Variants in BMERB1 observed in about 807,000 individuals in gnomAD.
BMERB1 encodes the protein bMERB domain containing 1.
In BMERB1, 12 loss-of-function variants were observed where a neutral mutation model predicts 23.6. The observed-to-expected ratio is 0.51, with a 90% CI of 0.33 to 0.82. The LOEUF is 0.82. Among genes scored for constraint, BMERB1 ranks in the 40% least tolerant of loss-of-function variants. The pLI is 0.03. For missense variants in BMERB1, 247 were observed against 255.4 expected, an observed-to-expected ratio of 0.97 and a Z score of 0.22; for synonymous variants, 122 against 96.6, an observed-to-expected ratio of 1.26 and a Z score of -1.54.
intron 1 of BMERB1, among the ~76,000 whole-genome samples, chr16:15,508,101 TC>T (rs1319610801): frequency 6.6e-6 from 1 of 152,176 alleles, no homozygotes; most frequent in Non-Finnish European, 1.5e-5. Context: ...CATCACTTAC[TC>T]CCTTTCCTGA....
chr16:15,434,974 G>C (rs2050875595), intron 1 of BMERB1, among the ~76,000 whole-genome samples: 1 of 152,266 alleles, frequency 6.6e-6, no homozygotes, highest in Admixed American at 6.5e-5. Context: ...CTCACTGGGA[G>C]GGTTGGGAGA....
chr16:15,586,811 C>T lies in BMERB1; in HGVS notation c.597C>T (p.Thr199=), dbSNP rs1484314354. ...LALIKDCCGA[T]QCNIM is the part of the protein sequence containing the mutation. Reference sequence around the variant, plus strand: ...TGATCAAGGATTGTTGCGGGGCCACCCAGTGCAACATCATGTAGCCCCCAC... The same window carrying T: ...TGATCAAGGATTGTTGCGGGGCCACTCAGTGCAACATCATGTAGCCCCCAC... The change falls in exon 6 of 6, where the codon ACC becomes ACT. Residue 199 remains threonine, a synonymous_variant. Coordinates refer to ENST00000300006, the MANE Select transcript of BMERB1 (RefSeq NM_033201.3). 9 of 1,608,682 alleles carry T rather than the reference C, an allele frequency of 5.6e-6. No individual in the cohort carries two copies. The highest frequency in any genetic ancestry group is 7.6e-6 in the Non-Finnish European group (9 of 1,178,008).
intron 1 of BMERB1, among the ~76,000 whole-genome samples, chr16:15,442,920 G>T (rs1189915193): frequency 6.6e-6 from 1 of 152,074 alleles, no homozygotes; most frequent in Non-Finnish European, 1.5e-5. Flanking sequence ...CTCTTAAAAG[G>T]TTTACAGATT....
chr16:15,492,671 C>G (rs918731701), intron 1 of BMERB1, among the ~76,000 whole-genome samples: 1 of 152,122 alleles, frequency 6.6e-6, no homozygotes, highest in Non-Finnish European at 1.5e-5. Context: ...GTATTCCCAG[C>G]ACTTTGGGAG....
chr16:15,546,493 A>T (rs2029922238), intron 2 of BMERB1, among the ~76,000 whole-genome samples: 1 of 152,156 alleles, frequency 6.6e-6, no homozygotes, highest in Non-Finnish European at 1.5e-5. Flanking sequence ...CAATAACGAG[A>T]TGCAAATAAA....
intron 1 of BMERB1, among the ~76,000 whole-genome samples, chr16:15,473,181 T>C (rs1385265522): frequency 6.6e-6 from 1 of 151,780 alleles, no homozygotes; most frequent in Non-Finnish European, 1.5e-5. Flanking sequence ...TTAAAAAAAA[T>C]TATTATTGAT....
intron 1 of BMERB1, among the ~76,000 whole-genome samples, chr16:15,511,321 T>G (rs1185962651): frequency 6.6e-6 from 1 of 152,042 alleles, no homozygotes; most frequent in Non-Finnish European, 1.5e-5. Flanking sequence ...GTGTCTCCCT[T>G]TTCACCCTTC....
At chr16:15,524,975 A>AC (rs796343615) in intron 2 of BMERB1, among the ~76,000 whole-genome samples, 14 of 152,228 alleles carry the variant, frequency 9.2e-5, no homozygotes, top group African/African-American at 3.1e-4. Context: ...ACCATGTAAG[A>AC]CCCTGGTGAT....
chr16:15,458,725 A>G (rs2051109397), intron 1 of BMERB1, among the ~76,000 whole-genome samples: 1 of 152,010 alleles, frequency 6.6e-6, no homozygotes, highest in Non-Finnish European at 1.5e-5. Flanking sequence ...TCCAAAAAAA[A>G]AAAAAAAAAG....
intron 1 of BMERB1, among the ~76,000 whole-genome samples, chr16:15,443,638 C>T (rs2050960298): frequency 6.6e-6 from 1 of 152,002 alleles, no homozygotes; most frequent in African/African-American, 2.4e-5. Context: ...CAAGTGTGGG[C>T]CAGGCATGGT....
chr16:15,474,265 G>A (rs2051257435), intron 1 of BMERB1, among the ~76,000 whole-genome samples: 1 of 151,800 alleles, frequency 6.6e-6, no homozygotes, highest in African/African-American at 2.4e-5. Flanking sequence ...GAATCCATAG[G>A]TTATCTTTCT....
chr16:15,536,423 C>T (rs1210069970), intron 2 of BMERB1, among the ~76,000 whole-genome samples: 3 of 152,144 alleles, frequency 2.0e-5, no homozygotes, highest in East Asian at 1.9e-4. Context: ...TATCAGCTGT[C>T]GGTGACTTCT....
At chr16:15,583,905 A>T in intron 5 of BMERB1, 1 of 671,574 alleles carries the variant, frequency 1.5e-6, no homozygotes, top group South Asian at 1.6e-5. Flanking sequence ...CAAACTACGT[A>T]CCTGGTCCTG....
intron 2 of BMERB1, among the ~76,000 whole-genome samples, chr16:15,563,739 C>T (rs983488315): frequency 2.0e-5 from 3 of 152,076 alleles, no homozygotes; most frequent in African/African-American, 2.4e-5. Flanking sequence ...AACCAGATCT[C>T]GTGAGAACTC....
intron 1 of BMERB1, among the ~76,000 whole-genome samples, chr16:15,463,235 T>C (rs760381729): frequency 6.6e-6 from 1 of 151,534 alleles, no homozygotes; most frequent in Non-Finnish European, 1.5e-5. Flanking sequence ...TGCACTAGTA[T>C]GTCTGGCCAA....
intron 2 of BMERB1, among the ~76,000 whole-genome samples, chr16:15,533,572 C>A (rs2051991243): frequency 6.6e-6 from 1 of 152,010 alleles, no homozygotes; most frequent in South Asian, 2.1e-4. Context: ...TGAGCCTCTC[C>A]TCACTCCTCT....
intron 1 of BMERB1, among the ~76,000 whole-genome samples, chr16:15,498,694 AAAAG>A (rs1462381320): frequency 1.3e-5 from 2 of 152,160 alleles, no homozygotes; most frequent in Non-Finnish European, 1.5e-5. Context: ...GAAAGAAAGA[AAAAG>A]GAAGGAAAAG....
At position 15,568,062 on chromosome 16, in the gene BMERB1, C is replaced by G; in HGVS notation, c.304+6C>G. On this transcript the variant is annotated splice_donor_region_variant and intron_variant, in intron 3 of 5. Transcript: ENST00000300006. ...GAACTTGGTCGCCATCCCAGGTAAC[C>G]ATTTGCAACTTCACCTTGTGCTAAA... 1.9e-6 allele frequency: 3 copies of G among 1,613,768 alleles called. No homozygotes were observed. The highest frequency in any genetic ancestry group is 2.5e-6 in the Non-Finnish European group (3 of 1,179,808).
intron 1 of BMERB1, among the ~76,000 whole-genome samples, chr16:15,468,157 T>TA: frequency 8.9e-6 from 1 of 112,400 alleles, no homozygotes; most frequent in Non-Finnish European, 1.9e-5. Context: ...TTTTTTTTTT[T>TA]TTTTTTGAGG....
Sources: gnomAD v4.1 joint callset for allele counts (sites outside exome capture counted in the v4.1 genomes callset) on GRCh38, gnomAD v4.1.1 for gene constraint, MANE v1.5 for transcripts, NCBI Gene and HGNC (gene_info 2026-07-23, HGNC 2026-07-21) for gene names.